Variants in HS3ST5 observed in about 807,000 individuals in gnomAD.
HS3ST5 encodes the protein heparan sulfate glucosamine 3-O-sulfotransferase 5.
In HS3ST5, 10 loss-of-function variants were observed where a neutral mutation model predicts 25.4. The ratio of observed to expected loss-of-function variants is 0.39; its 90% CI spans 0.24 to 0.67. HS3ST5 has a LOEUF of 0.67. Ranked by LOEUF, HS3ST5 falls within the 30% of genes least tolerant of loss-of-function variation. HS3ST5 has a pLI of 0.44. For synonymous variants in HS3ST5, 170 were observed against 162.4 expected (o/e 1.05, Z -0.36); for missense variants, 324 against 420.7 (o/e 0.77, Z 2.01).
intron 2 of HS3ST5, among the ~76,000 whole-genome samples, chr6:114,169,785 A>C (rs1167936350): frequency 6.6e-6 from 1 of 152,202 alleles, no homozygotes; most frequent in Admixed American, 6.5e-5. Flanking sequence ...TATACTGTAG[A>C]GCTTGTCCCC....
At chr6:114,291,725 C>T (rs917750325) in intron 1 of HS3ST5, among the ~76,000 whole-genome samples, 3 of 152,160 alleles carry the variant, frequency 2.0e-5, no homozygotes, top group African/African-American at 7.2e-5. Context: ...CAGAGTTCAG[C>T]TCCTCTTCAT....
At chr6:114,130,801 C>T (rs868186158) in intron 3 of HS3ST5, among the ~76,000 whole-genome samples, 1 of 152,290 alleles carries the variant, frequency 6.6e-6, no homozygotes, top group East Asian at 1.9e-4. Context: ...GATCTCCTGA[C>T]CATGTGATCC....
At position 114,111,586 on chromosome 6, in the gene HS3ST5, GT is replaced by G. The variant is rs377452670; in HGVS notation, c.-32-48710del. Among the ~76,000 whole-genome samples, 68 of 152,230 alleles carry G rather than the reference GT, an allele frequency of 4.5e-4. No homozygotes were observed. The East Asian group carries it at 0.011, about 25-fold the overall frequency. On this transcript the variant is annotated intron_variant, in intron 3 of 4. Coordinates refer to ENST00000312719, the MANE Select transcript of HS3ST5 (RefSeq NM_153612.4). ...GCACTCCCTACTTCTCACATAACTA[GT>G]GCTGGGGAATAACTTCCTCTCCATA...
chr6:114,221,557 A>T (rs961602261), intron 2 of HS3ST5, among the ~76,000 whole-genome samples: 1 of 151,780 alleles, frequency 6.6e-6, no homozygotes, highest in Non-Finnish European at 1.5e-5. Context: ...AATAGTTTAA[A>T]ATTATTCCAT....
At chr6:114,072,073 A>T (rs1773856589) in intron 3 of HS3ST5, among the ~76,000 whole-genome samples, 1 of 152,198 alleles carries the variant, frequency 6.6e-6, no homozygotes, top group African/African-American at 2.4e-5. Flanking sequence ...AGGGCTTTCT[A>T]CATTGCACCA....
chr6:114,105,349 T>G (rs1775940263), intron 3 of HS3ST5, among the ~76,000 whole-genome samples: 4 of 152,128 alleles, frequency 2.6e-5, no homozygotes, highest in African/African-American at 9.7e-5. Context: ...CTGTTAGGAA[T>G]TATGTGTACA....
At chr6:114,075,637 T>C (rs182330679) in intron 3 of HS3ST5, among the ~76,000 whole-genome samples, 35 of 152,326 alleles carry the variant, frequency 2.3e-4, no homozygotes, top group Non-Finnish European at 4.7e-4. Flanking sequence ...CCATAAATTA[T>C]GTGCCTGATT....
At chr6:114,164,022 A>G (rs934777253) in intron 3 of HS3ST5, among the ~76,000 whole-genome samples, 1 of 152,168 alleles carries the variant, frequency 6.6e-6, no homozygotes, top group Non-Finnish European at 1.5e-5. Context: ...AGTGTCTGGC[A>G]TACAGCTGGT....
At chr6:114,097,894 T>A (rs1012178328) in intron 3 of HS3ST5, among the ~76,000 whole-genome samples, 1 of 151,994 alleles carries the variant, frequency 6.6e-6, no homozygotes, top group African/African-American at 2.4e-5. Context: ...GTGAAAAATT[T>A]TGTGGGCTGG....
Position 114,269,621 on chromosome 6 carries a change from T to C in HS3ST5, c.-338-40843A>G, listed in dbSNP as rs186592153. Among the ~76,000 whole-genome samples, 6 of 152,232 alleles carry C rather than the reference T, an allele frequency of 3.9e-5. No homozygotes were observed. In the East Asian group the frequency reaches 9.7e-4, roughly 25 times the overall value. On this transcript the variant is annotated intron_variant, in intron 1 of 4. Transcript: ENST00000312719. The stretch of plus-strand genomic sequence containing the variant: ...TCCCAACATACTCAATTTTCTCTGG[T>C]GATTGAAGCAAGGGTAGAAACCTTA...
intron 1 of HS3ST5, among the ~76,000 whole-genome samples, chr6:114,268,678 G>A (rs1423472453): frequency 6.6e-6 from 1 of 152,328 alleles, no homozygotes; most frequent in African/African-American, 2.4e-5. Flanking sequence ...AAGAACTGAA[G>A]GCAGCAGTTA....
chr6:114,174,297 C>G (rs553270164), intron 2 of HS3ST5, among the ~76,000 whole-genome samples: 5 of 152,134 alleles, frequency 3.3e-5, no homozygotes, highest in Admixed American at 2.6e-4. Flanking sequence ...TCCTTACAAC[C>G]CTGTTCTCTC....
intron 3 of HS3ST5, among the ~76,000 whole-genome samples, chr6:114,153,391 C>T (rs918741507): frequency 6.6e-5 from 10 of 152,144 alleles, no homozygotes; most frequent in Non-Finnish European, 1.5e-4. Flanking sequence ...GTTATATTTC[C>T]TAATTTTATA....
intron 1 of HS3ST5, among the ~76,000 whole-genome samples, chr6:114,255,085 A>T (rs1772844089): frequency 6.6e-6 from 1 of 152,238 alleles, no homozygotes; most frequent in Admixed American, 6.5e-5. Flanking sequence ...ATGAGCCTGT[A>T]AAATCAAAAG....
intron 1 of HS3ST5, among the ~76,000 whole-genome samples, chr6:114,337,421 A>C (rs1361821910): frequency 6.6e-6 from 1 of 152,208 alleles, no homozygotes; most frequent in African/African-American, 2.4e-5. Context: ...GTAACACAAC[A>C]TTGACCTCTG....
chr6:114,144,927 G>A (rs1300817520), intron 3 of HS3ST5, among the ~76,000 whole-genome samples: 6 of 152,158 alleles, frequency 3.9e-5, no homozygotes, highest in Non-Finnish European at 8.8e-5. Flanking sequence ...TGTTAGTTGG[G>A]ACCTGAACAG....
intron 1 of HS3ST5, among the ~76,000 whole-genome samples, chr6:114,279,607 G>A (rs1383408040): frequency 6.6e-6 from 1 of 151,944 alleles, no homozygotes; most frequent in Non-Finnish European, 1.5e-5. Flanking sequence ...GCTCCTGAAG[G>A]CTGTCCCCAT....
intron 1 of HS3ST5, among the ~76,000 whole-genome samples, chr6:114,288,926 C>T (rs1287513157): frequency 1.3e-5 from 2 of 151,972 alleles, no homozygotes; most frequent in East Asian, 1.9e-4. Context: ...ATCTGTAGCT[C>T]CCGAAGAACA....
intron 2 of HS3ST5, among the ~76,000 whole-genome samples, chr6:114,173,716 G>A (rs1779580891): frequency 1.3e-5 from 2 of 152,084 alleles, no homozygotes; most frequent in Non-Finnish European, 1.5e-5. Context: ...AAAATTACTT[G>A]GACGTAGTCG....
Sources: gnomAD v4.1 joint callset for allele counts (sites outside exome capture counted in the v4.1 genomes callset) on GRCh38, gnomAD v4.1.1 for gene constraint, MANE v1.5 for transcripts, NCBI Gene and HGNC (gene_info 2026-07-23, HGNC 2026-07-21) for gene names.